The following PSMA6 variants were observed in gnomAD, a reference collection of about 807,000 sequenced individuals.
PSMA6 encodes proteasome 20S subunit alpha 6.
For missense variants in PSMA6, 170 were observed against 294.8 expected (o/e 0.58, Z 3.10); for synonymous variants, 88 against 97.7 (o/e 0.90, Z 0.59).
chr14:35,282,974 C>G (rs954635352), intron 1 of PSMA6, among the ~76,000 whole-genome samples: 1 of 151,964 alleles, frequency 6.6e-6, no homozygotes, highest in Non-Finnish European at 1.5e-5. Context: ...TCCTGAGTAG[C>G]TGGGACTACA....
chr14:35,297,898 A>G (rs904738075), intron 1 of PSMA6, among the ~76,000 whole-genome samples: 1 of 152,152 alleles, frequency 6.6e-6, no homozygotes, highest in Non-Finnish European at 1.5e-5. Flanking sequence ...AGTGTTGGGG[A>G]AAATGGTAGG....
In PSMA6 at chr14:35,292,551, A is replaced by G. The variant is rs1174121207; in HGVS notation, c.75A>G (p.Val25=). 1 of 1,613,518 alleles carries G rather than the reference A, an allele frequency of 6.2e-7. No individual in the cohort carries two copies. The highest frequency in any genetic ancestry group is 1.7e-5 in the Admixed American group (1 of 59,936). ...CACCCGAGGGTCGGCTCTACCAAGT[A>G]GGTGAGTGAACCAGGTTCGCCTGTG... ...IFSPEGRLYQ[V]EYAFKAINQG... is the part of the protein sequence containing the mutation. Residue 25 remains valine (V), a splice_region_variant and synonymous_variant, in exon 1 of 7, where the codon GTA becomes GTG. Transcript: ENST00000261479.
At chr14:35,311,701 G>A (rs2051947225) in intron 4 of PSMA6, among the ~76,000 whole-genome samples, 2 of 152,122 alleles carry the variant, frequency 1.3e-5, no homozygotes, top group East Asian at 3.8e-4. Context: ...TAATGATGGT[G>A]TTTATTTTAA....
intron 1 of PSMA6, among the ~76,000 whole-genome samples, chr14:35,280,901 A>C (rs1327517632): frequency 1.3e-5 from 2 of 152,144 alleles, no homozygotes; most frequent in African/African-American, 4.8e-5. Context: ...TGATTTTGTG[A>C]CTTTTGGCTC....
intron 4 of PSMA6, 96 bp downstream of exon 4, chr14:35,310,991 C>T: frequency 3.2e-6 from 4 of 1,267,898 alleles, no homozygotes; most frequent in Non-Finnish European, 4.4e-6. Flanking sequence ...GAGTTCTGAA[C>T]ATGTGGTTTG....
At chr14:35,290,848 C>T (rs17458312), upstream of PSMA6, among the ~76,000 whole-genome samples, 19,187 of 152,176 alleles carry the variant, frequency 0.13, 1,411 homozygotes, top group Middle Eastern at 0.22. Context: ...GCTCTTCTCC[C>T]GGAGCTACCT....
chr14:35,308,202 A>ACCTTAG, intron 2 of PSMA6, 114 bp downstream of exon 2: 1 of 1,387,614 alleles, frequency 7.2e-7, no homozygotes, highest in Non-Finnish European at 9.8e-7. Flanking sequence ...TGGGCAGATC[A>ACCTTAG]CCTTAGATCG....
intron 1 of PSMA6, among the ~76,000 whole-genome samples, chr14:35,286,353 G>A (rs1453624148): frequency 2.0e-5 from 3 of 152,174 alleles, no homozygotes; most frequent in Admixed American, 2.0e-4. Flanking sequence ...ACATGCCTAA[G>A]GGGAAGCTGT....
intron 1 of PSMA6, among the ~76,000 whole-genome samples, chr14:35,300,470 TCAG>T (rs2051690701): frequency 6.6e-6 from 1 of 151,980 alleles, no homozygotes; most frequent in Non-Finnish European, 1.5e-5. Context: ...AGACCTTGTC[TCAG>T]AAAAGAAAAT....
At chr14:35,288,362 G>A (rs2051442506), upstream of PSMA6, among the ~76,000 whole-genome samples, 1 of 152,212 alleles carries the variant, frequency 6.6e-6, no homozygotes, top group Non-Finnish European at 1.5e-5. Context: ...GCCAGGCGTG[G>A]TAGTGCACAC....
At position 35,314,350 on chromosome 14, in the gene PSMA6, CT is replaced by C. The variant is rs34775948; in HGVS notation, c.589-4del. 5 of 1,594,560 alleles carry C rather than the reference CT, an allele frequency of 3.1e-6. No individual in the cohort carries two copies. Among genetic ancestry groups the C allele is most frequent in the Admixed American group, 1.7e-5 (1 of 58,294 alleles). On this transcript the variant is annotated splice_polypyrimidine_tract_variant and intron_variant, in intron 5 of 6. Transcript: ENST00000261479. The stretch of plus-strand genomic sequence containing the variant: ...AAATACTATATTTTAACATTAAATA[CT>C]TTTTTTCAGACTGCAATTACATGCC...
chr14:35,280,121 A>C (rs1369634569), intron 1 of PSMA6, among the ~76,000 whole-genome samples: 1 of 136,206 alleles, frequency 7.3e-6, no homozygotes, highest in Admixed American at 8.2e-5. Context: ...ACAGAGCAAG[A>C]CTCCGTCTCA....
chr14:35,282,432 A>T (rs986236224), intron 1 of PSMA6, among the ~76,000 whole-genome samples: 110 of 147,180 alleles, frequency 7.5e-4, no homozygotes, highest in East Asian at 3.0e-3. Context: ...TTAAAAAAAA[A>T]TTTTTTTTTT....
chr14:35,285,994 G>A lies in PSMA6; in HGVS notation c.19+7276G>A, dbSNP rs115531185. ...TTCTTTACTAGGGATAGATCAAAGC[G>A]AAATAGCCAACAATTCAGGCCTTAT... On this transcript the variant is annotated intron_variant, in intron 1 of 6. Coordinates refer to the PSMA6 transcript ENST00000540871. Among the ~76,000 whole-genome samples the A allele has an allele frequency of 2.1e-3, 313 of 152,312 alleles. 1 individual carries two copies. Among genetic ancestry groups the A allele is most frequent in the African/African-American group, 6.7e-3 (280 of 41,564 alleles).
chr14:35,306,537 T>G (rs1428481280), intron 1 of PSMA6, among the ~76,000 whole-genome samples: 1 of 151,724 alleles, frequency 6.6e-6, no homozygotes, highest in Non-Finnish European at 1.5e-5. Context: ...AACCCTGTCT[T>G]TACTGAAAAT....
intron 4 of PSMA6, among the ~76,000 whole-genome samples, chr14:35,312,327 G>A (rs531727555): frequency 4.0e-4 from 60 of 151,624 alleles, no homozygotes; most frequent in African/African-American, 1.4e-3. Context: ...CTAACACGGC[G>A]AAACCCGGTC....
chr14:35,294,041 T>C (rs2051534523), intron 1 of PSMA6, among the ~76,000 whole-genome samples: 1 of 150,122 alleles, frequency 6.7e-6, no homozygotes. Context: ...AGAATGATTT[T>C]TTATTTATTT....
intron 4 of PSMA6, among the ~76,000 whole-genome samples, chr14:35,311,261 C>T (rs1171403406): frequency 6.6e-6 from 1 of 152,182 alleles, no homozygotes; most frequent in Non-Finnish European, 1.5e-5. Context: ...TTTGTTTTGA[C>T]CACCCTAAAG....
chr14:35,292,823 C>T (rs1185099285), intron 1 of PSMA6: 7 of 581,148 alleles, frequency 1.2e-5, no homozygotes, highest in South Asian at 7.7e-5. Context: ...TAATGCCTGA[C>T]TCCGGCTTCG....
Sources: allele counts gnomAD v4.1 joint callset (sites outside exome capture counted in the v4.1 genomes callset), GRCh38; gene constraint gnomAD v4.1.1; transcripts MANE v1.5; gene names NCBI Gene and HGNC (gene_info 2026-07-23, HGNC 2026-07-21).